PRKCE: variants seen among roughly 807,000 people sequenced by gnomAD.
The protein encoded by PRKCE is protein kinase C epsilon, also known as protein kinase C epsilon type.
PRKCE carries 16 observed loss-of-function variants against 85.4 expected under a neutral mutation model. The ratio of observed to expected loss-of-function variants is 0.19; its 90% CI spans 0.13 to 0.28. The LOEUF (loss-of-function observed/expected upper bound fraction) is 0.28. PRKCE is among the 10% of genes least tolerant of loss of function. PRKCE has a pLI of 1.00. For synonymous variants in PRKCE, 388 were observed against 371.5 expected, an observed-to-expected ratio of 1.04 and a Z score of -0.51; for missense variants, 573 against 975.2, an observed-to-expected ratio of 0.59 and a Z score of 5.49.
intron 1 of PRKCE, among the ~76,000 whole-genome samples, chr2:45,696,670 G>A (rs746904265): frequency 2.6e-4 from 39 of 152,184 alleles, no homozygotes; most frequent in Admixed American, 6.5e-5. Flanking sequence ...GGCGGTAAGC[G>A]GAGGCCCAGA....
chr2:45,925,717 A>G (rs546391109), intron 2 of PRKCE, among the ~76,000 whole-genome samples: 75 of 152,344 alleles, frequency 4.9e-4, no homozygotes, highest in African/African-American at 1.8e-3. Context: ...GGAGCTCACA[A>G]GCTGGCCAAG....
chr2:45,775,057 A>C (rs1227692426), intron 1 of PRKCE, among the ~76,000 whole-genome samples: 3 of 152,176 alleles, frequency 2.0e-5, no homozygotes. Flanking sequence ...TTGGTTCCCA[A>C]GGGGGGCCTT....
At chr2:45,988,810 C>G (rs538413021) in intron 6 of PRKCE, among the ~76,000 whole-genome samples, 56 of 152,294 alleles carry the variant, frequency 3.7e-4, no homozygotes, top group Non-Finnish European at 6.6e-4. Flanking sequence ...GCATTTGTAG[C>G]CTTTTCATTC....
intron 2 of PRKCE, among the ~76,000 whole-genome samples, chr2:45,918,624 C>G (rs957210457): frequency 6.6e-6 from 1 of 152,130 alleles, no homozygotes; most frequent in East Asian, 1.9e-4. Flanking sequence ...AAATTCAACC[C>G]AAATCTCTGA....
chr2:45,773,079 T>G (rs1685469816), intron 1 of PRKCE, among the ~76,000 whole-genome samples: 2 of 152,318 alleles, frequency 1.3e-5, no homozygotes, highest in African/African-American at 4.8e-5. Context: ...TCAGGATTCC[T>G]TAGGCACTGG....
intron 11 of PRKCE, among the ~76,000 whole-genome samples, chr2:46,130,685 G>T (rs574258223): frequency 6.6e-6 from 1 of 152,102 alleles, no homozygotes; most frequent in Non-Finnish European, 1.5e-5. Flanking sequence ...TATTCCTTCC[G>T]CAGACCTCAT....
intron 2 of PRKCE, among the ~76,000 whole-genome samples, chr2:45,878,617 T>A (rs1268004996): frequency 6.6e-6 from 1 of 152,242 alleles, no homozygotes; most frequent in African/African-American, 2.4e-5. Context: ...TTAAAGAAGA[T>A]TTTTAACAAT....
At chr2:45,983,811 C>A (rs1703087324) in intron 5 of PRKCE, among the ~76,000 whole-genome samples, 1 of 152,128 alleles carries the variant, frequency 6.6e-6, no homozygotes, top group South Asian at 2.1e-4. Context: ...CTGACTGATC[C>A]ACAGTTTCCA....
At chr2:46,021,474 C>T (rs1574254658) in intron 10 of PRKCE, among the ~76,000 whole-genome samples, 3 of 152,174 alleles carry the variant, frequency 2.0e-5, no homozygotes, top group African/African-American at 4.8e-5. Flanking sequence ...GAAGCACTGA[C>T]GTGGCCATTC....
At chr2:46,018,670 T>G (rs1411266111) in intron 10 of PRKCE, among the ~76,000 whole-genome samples, 1 of 152,230 alleles carries the variant, frequency 6.6e-6, no homozygotes, top group Non-Finnish European at 1.5e-5. Flanking sequence ...TTCACATGAC[T>G]ACTACTAACA....
intron 14 of PRKCE, among the ~76,000 whole-genome samples, chr2:46,161,217 G>A (rs1282932582): frequency 6.6e-6 from 1 of 152,218 alleles, no homozygotes; most frequent in Non-Finnish European, 1.5e-5. Context: ...GAGGGCCTCT[G>A]CCAGTCACCT....
chr2:45,953,631 C>A (rs1700777603), intron 2 of PRKCE, among the ~76,000 whole-genome samples: 1 of 152,200 alleles, frequency 6.6e-6, no homozygotes, highest in Non-Finnish European at 1.5e-5. Context: ...GATGCCTCTC[C>A]TACTTTTTAA....
At chr2:45,935,681 A>C (rs1699391856) in intron 2 of PRKCE, among the ~76,000 whole-genome samples, 2 of 151,864 alleles carry the variant, frequency 1.3e-5, no homozygotes, top group South Asian at 4.2e-4. Context: ...GCTATTCAGG[A>C]TGCTGAGGCA....
At chr2:45,914,501 G>A (rs564011981) in intron 2 of PRKCE, among the ~76,000 whole-genome samples, 11 of 152,236 alleles carry the variant, frequency 7.2e-5, no homozygotes, top group Non-Finnish European at 1.3e-4. Flanking sequence ...GGAAGTGTGC[G>A]AGACTGATAA....
intron 10 of PRKCE, among the ~76,000 whole-genome samples, chr2:46,073,114 G>A (rs557029619): frequency 5.3e-5 from 8 of 152,276 alleles, no homozygotes; most frequent in African/African-American, 1.9e-4. Context: ...AGCTCATCTG[G>A]TCCAGCCTCT....
intron 11 of PRKCE, among the ~76,000 whole-genome samples, chr2:46,142,483 A>G (rs1239879882): frequency 1.3e-5 from 2 of 152,216 alleles, no homozygotes; most frequent in Non-Finnish European, 2.9e-5. Context: ...TTCAGGAAAT[A>G]CAGAGGGGGA....
chr2:46,162,525 A>C (rs535980066), intron 14 of PRKCE, among the ~76,000 whole-genome samples: 47 of 152,216 alleles, frequency 3.1e-4, no homozygotes, highest in Non-Finnish European at 5.7e-4. Flanking sequence ...AGTTAACCTC[A>C]ATGCTCAGTG....
intron 12 of PRKCE, among the ~76,000 whole-genome samples, chr2:46,148,204 G>A (rs1473903615): frequency 2.2e-4 from 34 of 152,160 alleles, no homozygotes; most frequent in Admixed American, 2.2e-3. Context: ...GCATCATCAG[G>A]GCCAATGCCT....
intron 6 of PRKCE, among the ~76,000 whole-genome samples, chr2:45,988,130 C>T (rs1007091143): frequency 6.6e-6 from 1 of 152,162 alleles, no homozygotes; most frequent in African/African-American, 2.4e-5. Context: ...TCTTGCTGGA[C>T]CATGCTAGCA....
Sources: allele counts gnomAD v4.1 joint callset (sites outside exome capture counted in the v4.1 genomes callset), GRCh38; gene constraint gnomAD v4.1.1; transcripts MANE v1.5; gene names NCBI Gene and HGNC (gene_info 2026-07-23, HGNC 2026-07-21).